DPY30: variants seen among roughly 807,000 people sequenced by gnomAD.
DPY30 encodes protein dpy-30 homolog.
In DPY30, 6 loss-of-function variants were observed where a neutral mutation model predicts 16.2. The ratio of observed to expected loss-of-function variants is 0.37; its 90% CI spans 0.20 to 0.73. The LOEUF (loss-of-function observed/expected upper bound fraction) is 0.73, where lower values mean the gene tolerates loss of function less well. DPY30 is among the 30% of genes least tolerant of loss of function. The pLI is 0.51. For synonymous variants in DPY30, 39 were observed against 38.8 expected (o/e 1.00, Z -0.02); for missense variants, 73 against 113.1 (o/e 0.65, Z 1.61).
chr2:32,019,543 GGTGGCTCACGCCTGT>G (rs1262733396), downstream of DPY30, among the ~76,000 whole-genome samples: 12 of 151,530 alleles, frequency 7.9e-5, no homozygotes, highest in South Asian at 2.3e-3. Context: ...GGCAGGGGGT[GGTGGCTCACGCCTGT>G]GAGCCACCAT....
chr2:32,021,852 C>T (rs1675189475), downstream of DPY30, among the ~76,000 whole-genome samples: 1 of 151,778 alleles, frequency 6.6e-6, no homozygotes, highest in South Asian at 2.1e-4. Context: ...AAAAGTTCCC[C>T]CAAGTAGCTC....
chr2:32,029,082 G>C (rs1466167205), intron 4 of DPY30, among the ~76,000 whole-genome samples: 1 of 152,116 alleles, frequency 6.6e-6, no homozygotes, highest in Non-Finnish European at 1.5e-5. Context: ...GACCAGCCTG[G>C]CCAACATGGT....
chr2:32,017,558 T>A (rs986539930), intron 5 of DPY30, among the ~76,000 whole-genome samples: 1 of 148,988 alleles, frequency 6.7e-6, no homozygotes, highest in Non-Finnish European at 1.5e-5. Flanking sequence ...GAGGTTGCAG[T>A]GAGTCGAGAT....
chr2:32,029,306 A>G (rs1009209652), intron 4 of DPY30, among the ~76,000 whole-genome samples: 4 of 152,164 alleles, frequency 2.6e-5, no homozygotes, highest in African/African-American at 7.2e-5. Context: ...ATAATCATGA[A>G]GACTGTGGAG....
intron 3 of DPY30, among the ~76,000 whole-genome samples, chr2:32,037,133 G>A (rs1573008665): frequency 1.3e-5 from 2 of 152,292 alleles, no homozygotes; most frequent in Admixed American, 6.5e-5. Context: ...ACCAGCGGAT[G>A]TGAACTACAA....
At chr2:32,026,695 G>A (rs1675342389) in intron 4 of DPY30, among the ~76,000 whole-genome samples, 1 of 151,634 alleles carries the variant, frequency 6.6e-6, no homozygotes. Flanking sequence ...AGAGGCTGAG[G>A]CAGAATTTCT....
intron 3 of DPY30, among the ~76,000 whole-genome samples, chr2:32,030,972 C>T (rs1485502955): frequency 6.6e-6 from 1 of 152,048 alleles, no homozygotes; most frequent in South Asian, 2.1e-4. Context: ...ACAATAATTA[C>T]AATTAAAAAT....
Position 32,018,761 on chromosome 2 carries a change from T to C in DPY30, n.377+4661A>G, listed in dbSNP as rs548371697. Among the ~76,000 whole-genome samples the C allele has an allele frequency of 1.1e-3, 163 of 152,248 alleles. 1 individual carries two copies. Among genetic ancestry groups the C allele is most frequent in the African/African-American group, 3.9e-3 (161 of 41,548 alleles). ...ACAGCTAGGCATGGTGGCTCATGCC[T>C]GTAATCTCAGCACTTTGGGAGGCAA... On this transcript the variant is annotated intron_variant and non_coding_transcript_variant, in intron 5 of 5. Transcript: ENST00000414013.
intron 5 of DPY30, chr2:32,013,354 G>A (rs1389583533): frequency 6.6e-6 from 1 of 152,092 alleles, no homozygotes; most frequent in Non-Finnish European, 1.5e-5. Context: ...AGATCACAAT[G>A]CAATTGAACT....
rs377614812 is a variant in DPY30, at chr2:32,024,328, T to C, written c.228-72A>G. ...GTGTTAATTTAAACATATTGTTCCA[T>C]AATGAAAACTCATCTTTTTAAGTTT... On this transcript the variant is annotated intron_variant, in intron 4 of 4. Coordinates refer to ENST00000342166, the MANE Select transcript of DPY30 (RefSeq NM_001321209.2). The C allele has an allele frequency of 4.6e-6, 5 of 1,078,214 alleles. No individual in the cohort carries two copies. In the African/African-American group the frequency reaches 8.0e-5, roughly 17 times the overall value. The allele number at this position is 1,078,214 out of a possible 1,614,324, so 66.8% of individuals were successfully genotyped here.
intron 3 of DPY30, among the ~76,000 whole-genome samples, chr2:32,035,740 C>T (rs1558592648): frequency 6.6e-6 from 1 of 151,688 alleles, no homozygotes. Flanking sequence ...TTGAGACCAG[C>T]CTGACAAACA....
At chr2:32,022,510 A>ATT (rs70964747), downstream of DPY30, among the ~76,000 whole-genome samples, 591 of 149,292 alleles carry the variant, frequency 4.0e-3, 5 homozygotes, top group African/African-American at 0.013. Context: ...GTATTTATGT[A>ATT]TTTTTTTTTT....
intron 3 of DPY30, among the ~76,000 whole-genome samples, chr2:32,037,601 A>G (rs1224835789): frequency 6.6e-6 from 1 of 151,338 alleles, no homozygotes; most frequent in Non-Finnish European, 1.5e-5. Flanking sequence ...TCTGTCACCC[A>G]GGCTGGACTG....
chr2:32,035,968 G>C (rs1434832659), intron 3 of DPY30, among the ~76,000 whole-genome samples: 5 of 151,058 alleles, frequency 3.3e-5, no homozygotes, highest in African/African-American at 1.2e-4. Flanking sequence ...AAGAAAAAAG[G>C]ATAAGTAAAC....
chr2:32,022,611 A>G (rs1675210439), downstream of DPY30, among the ~76,000 whole-genome samples: 1 of 151,446 alleles, frequency 6.6e-6, no homozygotes. Context: ...TCTGCCTCCC[A>G]GGTTTAAGCA....
intron 5 of DPY30, chr2:32,013,455 C>A (rs140759184): frequency 1.3e-5 from 2 of 152,326 alleles, no homozygotes; most frequent in East Asian, 1.9e-4. Context: ...AGCTACCTTA[C>A]TCAAGTATAC....
intron 3 of DPY30, among the ~76,000 whole-genome samples, chr2:32,038,127 T>C (rs1558594396): frequency 7.6e-6 from 1 of 131,540 alleles, no homozygotes; most frequent in Non-Finnish European, 1.6e-5. Flanking sequence ...GTATTGCTCA[T>C]TTTCTTTCTT....
In DPY30 at chr2:32,039,413, C is replaced by T. The variant is rs1275192903; in HGVS notation, c.36+8G>A. On this transcript the variant is annotated splice_region_variant and intron_variant, in intron 2 of 4. Coordinates refer to ENST00000342166, the MANE Select transcript of DPY30 (RefSeq NM_001321209.2). ...CACCGCCACCCTGAATCCACGGCCT[C>T]CTGATACCTGCGTTTGTCCCTCCAG... 4 of 1,614,186 alleles carry T rather than the reference C, an allele frequency of 2.5e-6. No homozygotes were observed. Among genetic ancestry groups the T allele is most frequent in the Non-Finnish European group, 2.5e-6 (3 of 1,180,030 alleles).
intron 1 of DPY30, 74 bp downstream of exon 1, chr2:32,039,659 T>G: frequency 1.6e-6 from 1 of 629,234 alleles, no homozygotes; most frequent in South Asian, 1.9e-5. Flanking sequence ...GGCGCCTACA[T>G]GGGGTCTGGA....
Sources: allele counts gnomAD v4.1 joint callset (sites outside exome capture counted in the v4.1 genomes callset), GRCh38; gene constraint gnomAD v4.1.1; transcripts MANE v1.5; gene names NCBI Gene and HGNC (gene_info 2026-07-23, HGNC 2026-07-21).